QKI: variants seen among roughly 807,000 people sequenced by gnomAD.
The protein encoded by QKI is KH domain-containing RNA-binding protein QKI.
Under a neutral mutation model 39.0 loss-of-function variants are expected in QKI, and 10 were observed. That is an observed-to-expected ratio of 0.26 (90% CI 0.16 to 0.43). QKI has a LOEUF of 0.43. Among genes scored for constraint, QKI ranks in the 20% least tolerant of loss-of-function variants. QKI has a pLI of 1.00. For synonymous variants in QKI, 204 were observed against 155.4 expected, an observed-to-expected ratio of 1.31 and a Z score of -2.33; for missense variants, 218 against 428.0, an observed-to-expected ratio of 0.51 and a Z score of 4.33.
intron 2 of QKI, among the ~76,000 whole-genome samples, chr6:163,467,153 T>C (rs1791826621): frequency 6.7e-6 from 1 of 150,156 alleles, no homozygotes; most frequent in African/African-American, 2.4e-5. Flanking sequence ...GTGCTTAACA[T>C]CACACACACA....
chr6:163,419,829 T>G (rs183397463), intron 1 of QKI, among the ~76,000 whole-genome samples: 21 of 152,320 alleles, frequency 1.4e-4, no homozygotes, highest in Admixed American at 4.6e-4. Flanking sequence ...TACGAGTGTA[T>G]TTTGGGATGA....
At chr6:163,465,218 C>T (rs1199696460) in intron 2 of QKI, among the ~76,000 whole-genome samples, 1 of 152,192 alleles carries the variant, frequency 6.6e-6, no homozygotes, top group Non-Finnish European at 1.5e-5. Flanking sequence ...AGGCCCACAG[C>T]TGACATCATA....
intron 3 of QKI, among the ~76,000 whole-genome samples, chr6:163,485,403 A>G (rs1222358493): frequency 6.6e-6 from 1 of 152,246 alleles, no homozygotes; most frequent in Non-Finnish European, 1.5e-5. Context: ...CATGTAAGCC[A>G]TTAAAACAGA....
At chr6:163,566,197 A>T in intron 6 of QKI, 1 of 1,337,230 alleles carries the variant, frequency 7.5e-7, no homozygotes, top group Non-Finnish European at 9.6e-7. Context: ...CTGACTGCTA[A>T]GTGTACTATA....
At chr6:163,553,102 ATTTATTTATTTATTTT>A (rs1562537390) in intron 4 of QKI, among the ~76,000 whole-genome samples, 1 of 94,138 alleles carries the variant, frequency 1.1e-5, no homozygotes, top group Non-Finnish European at 2.1e-5. Context: ...TTATTTATTT[ATTTATTTATTTATTTT>A]TTGAGATGGA....
At chr6:163,430,333 T>C (rs1788725306) in intron 1 of QKI, among the ~76,000 whole-genome samples, 1 of 152,210 alleles carries the variant, frequency 6.6e-6, no homozygotes, top group East Asian at 1.9e-4. Flanking sequence ...TTTCAGATGT[T>C]CTTTTTTCTT....
intron 4 of QKI, among the ~76,000 whole-genome samples, chr6:163,549,873 T>C (rs1032219942): frequency 6.6e-6 from 1 of 152,226 alleles, no homozygotes; most frequent in African/African-American, 2.4e-5. Flanking sequence ...CACACTACTT[T>C]TTTAACAGGT....
At chr6:163,440,443 A>T (rs1789679522) in intron 1 of QKI, among the ~76,000 whole-genome samples, 1 of 152,228 alleles carries the variant, frequency 6.6e-6, no homozygotes, top group African/African-American at 2.4e-5. Context: ...GCTGACTTCC[A>T]CCACAGAGTT....
chr6:163,565,927 CCCTT>C (rs1583232291), intron 6 of QKI: 2 of 1,612,914 alleles, frequency 1.2e-6, no homozygotes, highest in Non-Finnish European at 1.7e-6. Context: ...ATTTTTAATT[CCCTT>C]CCTTTTATCT....
intron 1 of QKI, among the ~76,000 whole-genome samples, chr6:163,446,033 T>C (rs915314993): frequency 1.3e-5 from 2 of 152,240 alleles, no homozygotes; most frequent in African/African-American, 4.8e-5. Flanking sequence ...ATAAATGCCT[T>C]ACAGGGGAGA....
intron 3 of QKI, among the ~76,000 whole-genome samples, chr6:163,509,766 G>A (rs1248802799): frequency 2.6e-4 from 40 of 152,152 alleles, no homozygotes; most frequent in Non-Finnish European, 3.7e-4. Context: ...GTCCGGAAGG[G>A]AAGCTAAGGA....
intron 1 of QKI, among the ~76,000 whole-genome samples, chr6:163,422,166 A>G (rs1481780850): frequency 6.6e-6 from 1 of 152,214 alleles, no homozygotes. Context: ...TAGAATTCTT[A>G]CAATTAGCAA....
In QKI at chr6:163,563,562, G is replaced by C. The variant is rs748395884; in HGVS notation, c.777G>C (p.Gln259His). 6.2e-7 allele frequency: 1 copy of C among 1,614,158 alleles called. No individual in the cohort carries two copies. Among genetic ancestry groups the C allele is most frequent in the Non-Finnish European group, 8.5e-7 (1 of 1,180,028 alleles). Residue 259 changes from glutamine (Q) to histidine (H), a missense_variant, in exon 6 of 8, where the codon CAG becomes CAC. Gln to His is a conservative substitution (Grantham distance 24). Around this residue, in one of 3 missense-constraint regions of QKI, gnomAD observed 117 missense variants for 186.0 expected, o/e 0.63. Coordinates refer to ENST00000361752, the MANE Select transcript of QKI (RefSeq NM_006775.3). ...PTIMPLIRQI[Q>H]TAVMPNGTPH... The stretch of plus-strand genomic sequence containing the variant: ...TAATGCCTTTGATCAGACAAATACA[G>C]ACCGCTGTCATGCCAAACGGAACTC...
At chr6:163,544,378 C>G (rs1257698546) in intron 4 of QKI, among the ~76,000 whole-genome samples, 1 of 152,026 alleles carries the variant, frequency 6.6e-6, no homozygotes, top group Non-Finnish European at 1.5e-5. Flanking sequence ...TTTTGGTGTT[C>G]TGGAACCAGT....
intron 1 of QKI, among the ~76,000 whole-genome samples, chr6:163,436,656 C>G (rs1435053859): frequency 6.6e-6 from 1 of 151,550 alleles, no homozygotes; most frequent in Non-Finnish European, 1.5e-5. Context: ...TCTACTAAAA[C>G]TACAAAAATT....
intron 1 of QKI, among the ~76,000 whole-genome samples, chr6:163,454,579 A>G (rs1177706579): frequency 6.6e-6 from 1 of 152,008 alleles, no homozygotes; most frequent in Non-Finnish European, 1.5e-5. Context: ...GTCATTTCTT[A>G]GCTTCTATAA....
chr6:163,505,661 C>T (rs1438834666), intron 3 of QKI, among the ~76,000 whole-genome samples: 2 of 151,840 alleles, frequency 1.3e-5, no homozygotes, highest in African/African-American at 2.4e-5. Context: ...TACCCAATGC[C>T]TGTACACCCA....
intron 3 of QKI, among the ~76,000 whole-genome samples, chr6:163,506,660 A>G (rs1779112775): frequency 6.6e-6 from 1 of 152,154 alleles, no homozygotes. Context: ...GCTATAGTGG[A>G]TTACAGAGTT....
At chr6:163,553,484 C>G (rs1782391442) in intron 4 of QKI, among the ~76,000 whole-genome samples, 1 of 152,036 alleles carries the variant, frequency 6.6e-6, no homozygotes, top group South Asian at 2.1e-4. Flanking sequence ...ACCTTCCAGC[C>G]CAACCATATC....
Sources: allele counts gnomAD v4.1 joint callset (sites outside exome capture counted in the v4.1 genomes callset), GRCh38; gene constraint gnomAD v4.1.1; regional missense constraint gnomAD v4.1.1; transcripts MANE v1.5; gene names NCBI Gene and HGNC (gene_info 2026-07-23, HGNC 2026-07-21).